Variants in SEMA3A observed in about 807,000 individuals in gnomAD.
The protein encoded by SEMA3A is semaphorin 3A, also known as semaphorin-3A.
A neutral mutation model predicts 97.9 loss-of-function variants in SEMA3A; 29 were observed. The ratio of observed to expected loss-of-function variants is 0.30; its 90% CI spans 0.22 to 0.40. SEMA3A has a LOEUF of 0.40. SEMA3A is among the 10% of genes least tolerant of loss of function. The pLI is 1.00. For synonymous variants in SEMA3A, 321 were observed against 323.7 expected (o/e 0.99, Z 0.09); for missense variants, 763 against 951.3 (o/e 0.80, Z 2.60).
intron 2 of SEMA3A, among the ~76,000 whole-genome samples, chr7:84,349,585 C>T (rs1802386460): frequency 6.6e-6 from 1 of 152,124 alleles, no homozygotes; most frequent in African/African-American, 2.4e-5. Flanking sequence ...AAGACACTGG[C>T]TGCATAGCAT....
chr7:84,100,915 G>A (rs778254718), intron 4 of SEMA3A, among the ~76,000 whole-genome samples: 11 of 152,040 alleles, frequency 7.2e-5, no homozygotes, highest in African/African-American at 1.9e-4. Flanking sequence ...TGCTCATGAC[G>A]CTTTTCTTTT....
chr7:84,409,413 G>A (rs1403838105), intron 1 of SEMA3A, among the ~76,000 whole-genome samples: 1 of 151,790 alleles, frequency 6.6e-6, no homozygotes, highest in Non-Finnish European at 1.5e-5. Context: ...CTGTCATACT[G>A]CCACATTATA....
intron 1 of SEMA3A, among the ~76,000 whole-genome samples, chr7:84,393,587 T>C (rs1258421743): frequency 1.3e-5 from 2 of 152,162 alleles, no homozygotes; most frequent in Non-Finnish European, 2.9e-5. Context: ...AATTAAGTTA[T>C]GGTGTTTCTT....
At chr7:84,063,887 A>G (rs9801057) in intron 4 of SEMA3A, among the ~76,000 whole-genome samples, 81,126 of 147,388 alleles carry the variant, frequency 0.55, 24,343 homozygotes, top group African/African-American at 0.79. Flanking sequence ...TAGCAAGGCA[A>G]GCCAACATTG....
intron 1 of SEMA3A, among the ~76,000 whole-genome samples, chr7:84,411,147 G>C (rs2116249922): frequency 6.6e-6 from 1 of 152,198 alleles, no homozygotes; most frequent in African/African-American, 2.4e-5. Flanking sequence ...AACATCAATG[G>C]AGAGGTAGAG....
At chr7:84,151,029 C>A (rs1236357797) in intron 1 of SEMA3A, among the ~76,000 whole-genome samples, 70 of 149,222 alleles carry the variant, frequency 4.7e-4, no homozygotes, top group Middle Eastern at 3.4e-3. Context: ...AGCTGAGGGT[C>A]CTTTCTGTTA....
chr7:84,418,408 C>T (rs996098153), intron 1 of SEMA3A, among the ~76,000 whole-genome samples: 1 of 152,020 alleles, frequency 6.6e-6, no homozygotes, highest in African/African-American at 2.4e-5. Flanking sequence ...AGACCCACTC[C>T]CATGATTCCA....
chr7:84,233,707 G>C (rs891774410), intron 3 of SEMA3A, among the ~76,000 whole-genome samples: 3 of 151,938 alleles, frequency 2.0e-5, no homozygotes, highest in African/African-American at 7.2e-5. Flanking sequence ...ATTGTTAACT[G>C]AGTAGATTCT....
At chr7:84,049,200 T>C (rs1486920713) in intron 5 of SEMA3A, among the ~76,000 whole-genome samples, 1 of 152,064 alleles carries the variant, frequency 6.6e-6, no homozygotes, top group Non-Finnish European at 1.5e-5. Context: ...GGAAATTACC[T>C]CCCACATGAA....
intron 7 of SEMA3A, among the ~76,000 whole-genome samples, chr7:84,013,431 T>C (rs190473472): frequency 3.3e-5 from 5 of 152,284 alleles, no homozygotes; most frequent in Admixed American, 2.6e-4. Flanking sequence ...AAAATTGTTT[T>C]TGTGTGGGTG....
chr7:84,166,349 A>C (rs1251083807), intron 1 of SEMA3A, among the ~76,000 whole-genome samples: 1 of 148,886 alleles, frequency 6.7e-6, no homozygotes, highest in East Asian at 2.0e-4. Context: ...TGAGGCAGGC[A>C]GATCAGGAGG....
chr7:84,279,902 A>C (rs1800395241), intron 3 of SEMA3A, among the ~76,000 whole-genome samples: 1 of 151,884 alleles, frequency 6.6e-6, no homozygotes, highest in Non-Finnish European at 1.5e-5. Context: ...ATTTTTACGT[A>C]TTTATTTATT....
intron 12 of SEMA3A, among the ~76,000 whole-genome samples, chr7:83,987,146 A>C (rs560317344): frequency 6.6e-6 from 1 of 150,998 alleles, no homozygotes; most frequent in Admixed American, 6.6e-5. Flanking sequence ...AGATACATAT[A>C]ATTAATTTTT....
intron 3 of SEMA3A, among the ~76,000 whole-genome samples, chr7:84,222,590 G>T (rs1309243377): frequency 2.0e-5 from 3 of 151,776 alleles, no homozygotes; most frequent in African/African-American, 7.3e-5. Flanking sequence ...TTTTACTTTT[G>T]TTCTAAAGCT....
chr7:84,372,953 A>G lies in SEMA3A; in HGVS notation c.-245-1053T>C, dbSNP rs76508843. On this transcript the variant is annotated intron_variant, in intron 1 of 3. Coordinates refer to the SEMA3A transcript ENST00000424555. Reference sequence around the variant, plus strand: ...CATGAGACTTGCTTTTGCAAATAGGATGATGTAAAAGTGACAACATGCCAG... The same window carrying G: ...CATGAGACTTGCTTTTGCAAATAGGGTGATGTAAAAGTGACAACATGCCAG... 0.013 allele frequency among the ~76,000 whole-genome samples: 2,042 copies of G among 152,224 alleles called. 93 individuals are homozygous for G. The East Asian group carries it at 0.16, about 12-fold the overall frequency.
Position 84,101,573 on chromosome 7 carries a change from C to T in SEMA3A, c.453+8897G>A, listed in dbSNP as rs1009001496. Among the ~76,000 whole-genome samples, 3 of 152,096 alleles carry T rather than the reference C, an allele frequency of 2.0e-5. No individual in the cohort carries two copies. The East Asian group carries it at 5.8e-4, about 29-fold the overall frequency. On this transcript the variant is annotated intron_variant, in intron 4 of 16. Transcript: ENST00000265362. ...CATGTCAGGTTTGCTGGGTTATACT[C>T]CAGTTAGTTCTAACTGCTAGATTTC...
intron 2 of SEMA3A, among the ~76,000 whole-genome samples, chr7:84,329,116 A>T (rs1801846574): frequency 6.6e-6 from 1 of 151,914 alleles, no homozygotes; most frequent in Admixed American, 6.6e-5. Context: ...AAGAAAAAAA[A>T]ACCCGATTGC....
intron 3 of SEMA3A, among the ~76,000 whole-genome samples, chr7:84,295,476 C>T (rs1056887226): frequency 1.2e-4 from 19 of 152,066 alleles, no homozygotes; most frequent in East Asian, 7.8e-4. Context: ...TGTTTGCAGT[C>T]GGAAAACTGT....
intron 1 of SEMA3A, among the ~76,000 whole-genome samples, chr7:84,445,493 C>CAAAAAAAAAAAAAAAAAAAAAAAA (rs61298477): frequency 6.9e-4 from 19 of 27,582 alleles, no homozygotes; most frequent in Non-Finnish European, 1.3e-3. Flanking sequence ...GACTCCATCT[C>CAAAAAAAAAAAAAAAAAAAAAAAA]AAAAAAAAAA....
Sources: gnomAD v4.1 joint callset for allele counts (sites outside exome capture counted in the v4.1 genomes callset) on GRCh38, gnomAD v4.1.1 for gene constraint, MANE v1.5 for transcripts, NCBI Gene and HGNC (gene_info 2026-07-23, HGNC 2026-07-21) for gene names.